Variants in FAT4 observed in about 807,000 individuals in gnomAD.
FAT4 encodes the protein FAT atypical cadherin 4, also known as protocadherin Fat 4.
FAT4 carries 84 observed loss-of-function variants against 303.9 expected under a neutral mutation model. The observed-to-expected ratio is 0.28, with a 90% confidence interval of 0.23 to 0.33. FAT4 has a LOEUF of 0.33. Ranked by LOEUF, FAT4 falls within the 10% of genes least tolerant of loss-of-function variation. FAT4 has a pLI of 1.00. For missense variants in FAT4, 6,005 were observed against 6,146.8 expected (o/e 0.98, Z 0.77); for synonymous variants, 2,307 against 2,298.8 (o/e 1.00, Z -0.10).
At chr4:125,382,801 A>G (rs901768952) in intron 2 of FAT4, among the ~76,000 whole-genome samples, 2 of 152,200 alleles carry the variant, frequency 1.3e-5, no homozygotes, top group Admixed American at 1.3e-4. Context: ...TAATGAAGCC[A>G]CCTTTATCAA....
intron 7 of FAT4, among the ~76,000 whole-genome samples, chr4:125,426,065 G>A (rs556596057): frequency 6.6e-6 from 1 of 152,186 alleles, no homozygotes; most frequent in Admixed American, 6.5e-5. Context: ...TTATTGGTGA[G>A]CACCTGGTAA....
At chr4:125,385,017 TA>T (rs1473136687) in intron 2 of FAT4, among the ~76,000 whole-genome samples, 2,697 of 65,784 alleles carry the variant, frequency 0.041, 104 homozygotes, top group African/African-American at 0.11. Context: ...TATATATATA[TA>T]TATATATTTT....
chr4:125,399,830 T>C (rs1734315195), intron 3 of FAT4, among the ~76,000 whole-genome samples: 1 of 152,028 alleles, frequency 6.6e-6, no homozygotes, highest in Non-Finnish European at 1.5e-5. Flanking sequence ...ATGTTTTATG[T>C]TTAGTACATT....
At chr4:125,483,441 G>C (rs939366223) in intron 16 of FAT4, among the ~76,000 whole-genome samples, 1 of 151,916 alleles carries the variant, frequency 6.6e-6, no homozygotes, top group Non-Finnish European at 1.5e-5. Flanking sequence ...CTGTACTAAC[G>C]TACACTTAAA....
chr4:125,318,379 C>T lies in FAT4; in HGVS notation c.1968C>T (p.Ser656=), dbSNP rs1175474607. 1 of 1,614,186 alleles carries T rather than the reference C, an allele frequency of 6.2e-7. No individual in the cohort carries two copies. Among genetic ancestry groups the T allele is most frequent in the Non-Finnish European group, 8.5e-7 (1 of 1,180,038 alleles). The change falls in exon 2 of 18, where the codon TCC becomes TCT. Residue 656 remains serine (S), a synonymous_variant. Transcript: ENST00000394329. ...ACAGAGAAGAGCAAGCCTTCTACTCCCTGTTGGTTCTGGCCACAGATCTGG... is the reference window on the plus strand; with the variant it reads ...ACAGAGAAGAGCAAGCCTTCTACTCTCTGTTGGTTCTGGCCACAGATCTGG... The part of the protein sequence containing the change: ...SLDREEQAFY[S]LLVLATDLGS...
chr4:125,488,289 G>C (rs765713585), intron 17 of FAT4, among the ~76,000 whole-genome samples: 10 of 152,170 alleles, frequency 6.6e-5, no homozygotes, highest in Non-Finnish European at 1.3e-4. Flanking sequence ...GCAACTTCCT[G>C]ACCATGTTGC....
intron 2 of FAT4, among the ~76,000 whole-genome samples, chr4:125,355,918 A>G (rs1732405975): frequency 6.6e-6 from 1 of 151,912 alleles, no homozygotes; most frequent in African/African-American, 2.4e-5. Context: ...GATTTTTTCT[A>G]TCACAGTTGC....
rs1261336513 is a variant in FAT4 at position 125,472,088 on chromosome 4, A to AG, written c.12213+3269_12213+3270insG. On this transcript the variant is annotated intron_variant, in intron 12 of 17. Transcript: ENST00000394329. ...ACTCTGTCTCAAAAAAAAAAAAAAA[A>AG]AGGGTAGTTACTGGTAAGATTTATA... Among the ~76,000 whole-genome samples, 149 of 142,464 alleles carry AG rather than the reference A, an allele frequency of 1.0e-3. 2 individuals are homozygous for AG. The highest frequency in any genetic ancestry group is 3.6e-3 in the African/African-American group (140 of 39,010). 93.5% of individuals were successfully genotyped at this position (142,464 alleles called of 152,430 possible).
At chr4:125,488,995 G>GA (rs1403993333) in intron 17 of FAT4, among the ~76,000 whole-genome samples, 1 of 152,062 alleles carries the variant, frequency 6.6e-6, no homozygotes, top group Non-Finnish European at 1.5e-5. Context: ...AAAGCTCATG[G>GA]AAAAAATATA....
At chr4:125,407,440 G>A (rs980482417) in intron 4 of FAT4, among the ~76,000 whole-genome samples, 5 of 150,126 alleles carry the variant, frequency 3.3e-5, no homozygotes, top group Admixed American at 6.7e-5. Context: ...CTTTAAAAAC[G>A]TCTAATGTGA....
intron 2 of FAT4, among the ~76,000 whole-genome samples, chr4:125,369,090 C>T (rs924197496): frequency 6.6e-6 from 1 of 152,136 alleles, no homozygotes; most frequent in African/African-American, 2.4e-5. Flanking sequence ...CCTTATGTCA[C>T]ACAAATCTCT....
intron 2 of FAT4, among the ~76,000 whole-genome samples, chr4:125,358,691 C>A (rs1047741280): frequency 4.6e-5 from 7 of 152,088 alleles, no homozygotes; most frequent in Non-Finnish European, 8.8e-5. Flanking sequence ...CACTGCTCAC[C>A]GCTCACCTCC....
At position 125,452,602 on chromosome 4, in the gene FAT4, T is replaced by C. The variant is rs1726134931; in HGVS notation, c.11592T>C (p.Asp3864=). ...ATGCGGGTAGCTGGTGTGAAATAGA[T>C]ATAGATGAATGTCTTCCATCACCTT... ...PGYAGSWCEI[D]IDECLPSPCH... Residue 3864 remains aspartate, a synonymous_variant, in exon 10 of 18, where the codon GAT becomes GAC. Coordinates refer to ENST00000394329, the MANE Select transcript of FAT4 (RefSeq NM_001291303.3). 1.2e-6 allele frequency: 2 copies of C among 1,614,168 alleles called. No individual in the cohort carries two copies. The highest frequency in any genetic ancestry group is 1.7e-6 in the Non-Finnish European group (2 of 1,180,024).
At chr4:125,386,318 C>T (rs969534681) in intron 2 of FAT4, among the ~76,000 whole-genome samples, 10 of 152,134 alleles carry the variant, frequency 6.6e-5, no homozygotes, top group African/African-American at 2.4e-4. Context: ...CACTCTGTTG[C>T]CCAGGCTTGA....
intron 3 of FAT4, among the ~76,000 whole-genome samples, chr4:125,400,590 G>C (rs1006024992): frequency 6.6e-6 from 1 of 151,802 alleles, no homozygotes; most frequent in African/African-American, 2.4e-5. Context: ...CATCTTTTAA[G>C]CTATGTTTAC....
At chr4:125,350,807 TA>T (rs1185591832) in intron 2 of FAT4, among the ~76,000 whole-genome samples, 1 of 151,682 alleles carries the variant, frequency 6.6e-6, no homozygotes, top group Admixed American at 6.6e-5. Flanking sequence ...TGAATGTTAC[TA>T]GGGATGGACA....
At chr4:125,406,784 A>C (rs1734628764) in intron 3 of FAT4, 96 bp from the exon 4 acceptor site, 1 of 1,397,482 alleles carries the variant, frequency 7.2e-7, no homozygotes, top group African/African-American at 1.4e-5. Flanking sequence ...CTTAAAGCCA[A>C]AAAGCCTTCC....
chr4:125,320,448 A>G lies in FAT4; in HGVS notation c.4037A>G (p.Asp1346Gly), dbSNP rs372013515. The change falls in exon 2 of 18, where the codon GAC (aspartate) becomes GGC (glycine). Residue 1346 changes from aspartate (D) to glycine (G), a missense_variant. Transcript: ENST00000394329. ...SVTATDSDSGDNADLYYSITG... is the reference protein window; with the variant it reads ...SVTATDSDSGGNADLYYSITG... ...ACTGCAACTGATTCCGATTCAGGTG[A>G]CAATGCTGATTTATATTACAGTATT... 4.0e-5 allele frequency: 64 copies of G among 1,613,936 alleles called. 1 individual carries two copies. The highest frequency in any genetic ancestry group is 3.8e-4 in the South Asian group (35 of 91,088).
At chr4:125,329,001 T>G (rs545236006) in intron 2 of FAT4, among the ~76,000 whole-genome samples, 1 of 152,370 alleles carries the variant, frequency 6.6e-6, no homozygotes, top group East Asian at 1.9e-4. Context: ...AATGAAATTT[T>G]GGTGATGAAC....
Sources: gnomAD v4.1 joint callset for allele counts (sites outside exome capture counted in the v4.1 genomes callset) on GRCh38, gnomAD v4.1.1 for gene constraint, MANE v1.5 for transcripts, NCBI Gene and HGNC (gene_info 2026-07-23, HGNC 2026-07-21) for gene names.